The following TIMMDC1 variants were observed in gnomAD, a reference collection of about 807,000 sequenced individuals.
TIMMDC1 encodes the protein translocase of inner mitochondrial membrane domain containing 1.
In TIMMDC1, 25 loss-of-function variants were observed where a neutral mutation model predicts 32.6. The ratio of observed to expected loss-of-function variants is 0.77; its 90% CI spans 0.56 to 1.07. The LOEUF is 1.07. Among genes scored for constraint, TIMMDC1 ranks in the 50% least tolerant of loss-of-function variants. The pLI is 0.00. For missense variants in TIMMDC1, 329 were observed against 349.2 expected (o/e 0.94, Z 0.46); for synonymous variants, 130 against 127.6 (o/e 1.02, Z -0.13).
At chr3:119,512,222 T>C (rs922168892) in intron 4 of TIMMDC1, among the ~76,000 whole-genome samples, 2 of 152,158 alleles carry the variant, frequency 1.3e-5, no homozygotes, top group Admixed American at 6.5e-5. Flanking sequence ...TTTAATAATA[T>C]GTTCTGTGAA....
intron 4 of TIMMDC1, among the ~76,000 whole-genome samples, chr3:119,506,552 A>T (rs1320193663): frequency 6.6e-6 from 1 of 150,932 alleles, no homozygotes; most frequent in Non-Finnish European, 1.5e-5. Flanking sequence ...CCAAGGAATG[A>T]TATGGTTCTG....
In TIMMDC1 at chr3:119,498,583, C is replaced by G. The variant is rs145047502; in HGVS notation, c.-151C>G. On this transcript the variant is annotated 5_prime_UTR_variant, in exon 1 of 7. Transcript: ENST00000494664. Reference sequence around the variant, plus strand: ...AAGGACTCCAAAGCGAGGCCGGGGACTGAAGGTGTGGGTGTCGAGCCCTCT... The same window carrying G: ...AAGGACTCCAAAGCGAGGCCGGGGAGTGAAGGTGTGGGTGTCGAGCCCTCT... 5.8e-4 allele frequency: 409 copies of G among 704,882 alleles called. 5 individuals carry two copies. The East Asian group carries it at 0.011, about 18-fold the overall frequency. The allele number at this position is 704,882 out of a possible 1,614,324, so 43.7% of individuals were successfully genotyped here.
intron 5 of TIMMDC1, among the ~76,000 whole-genome samples, chr3:119,516,422 A>G (rs963009834): frequency 1.3e-5 from 2 of 152,174 alleles, no homozygotes; most frequent in African/African-American, 4.8e-5. Context: ...AACCTGTTGA[A>G]CGGATTGCCC....
At chr3:119,514,096 C>T (rs1198432977) in intron 5 of TIMMDC1, among the ~76,000 whole-genome samples, 1 of 151,716 alleles carries the variant, frequency 6.6e-6, no homozygotes, top group Non-Finnish European at 1.5e-5. Context: ...GAACAAAAAA[C>T]AGTTAACAAG....
At chr3:119,503,711 T>G (rs771255999) in intron 3 of TIMMDC1, 91 bp downstream of exon 3, 6 of 1,030,984 alleles carry the variant, frequency 5.8e-6, no homozygotes, top group Non-Finnish European at 7.0e-6. Context: ...GAAAACTGAA[T>G]ACCCACATGA....
At chr3:119,517,839 G>A (rs920598591) in intron 6 of TIMMDC1, among the ~76,000 whole-genome samples, 5 of 152,064 alleles carry the variant, frequency 3.3e-5, no homozygotes, top group Admixed American at 1.3e-4. Flanking sequence ...ATGGTGGCAC[G>A]TGCCTGTAGT....
intron 4 of TIMMDC1, among the ~76,000 whole-genome samples, chr3:119,505,189 C>T (rs900740490): frequency 6.6e-6 from 1 of 151,978 alleles, no homozygotes; most frequent in African/African-American, 2.4e-5. Context: ...TATATACATA[C>T]TGCAAAACAT....
intron 4 of TIMMDC1, among the ~76,000 whole-genome samples, chr3:119,506,897 C>G (rs2081922053): frequency 6.6e-6 from 1 of 152,196 alleles, no homozygotes; most frequent in Non-Finnish European, 1.5e-5. Flanking sequence ...CACTTTCCCA[C>G]TACCACAATT....
At chr3:119,520,876 G>T (rs1219749389) in intron 6 of TIMMDC1, among the ~76,000 whole-genome samples, 1 of 152,034 alleles carries the variant, frequency 6.6e-6, no homozygotes, top group Admixed American at 6.6e-5. Context: ...ACATCAAAAA[G>T]ATTATACATC....
chr3:119,523,273 G>A (rs180940728), intron 6 of TIMMDC1, among the ~76,000 whole-genome samples: 8 of 152,272 alleles, frequency 5.3e-5, no homozygotes, highest in Admixed American at 2.6e-4. Context: ...AGAGGACAGC[G>A]AGACTTCAAG....
chr3:119,498,935 T>G lies in TIMMDC1; in HGVS notation c.194+8T>G. On this transcript the variant is annotated splice_region_variant and intron_variant, in intron 1 of 6. Transcript: ENST00000494664. ...GGAGCTGTTTGGCAAAGAGTAAAAG[T>G]GCCTAGGGTGTGAAGTGGGGTAGGG... 4 of 1,613,584 alleles carry G rather than the reference T, an allele frequency of 2.5e-6. No homozygotes were observed. Among genetic ancestry groups the G allele is most frequent in the Non-Finnish European group, 3.4e-6 (4 of 1,179,624 alleles).
chr3:119,518,796 C>T (rs923724800), intron 6 of TIMMDC1, among the ~76,000 whole-genome samples: 1 of 152,142 alleles, frequency 6.6e-6, no homozygotes, highest in Non-Finnish European at 1.5e-5. Flanking sequence ...TACCTCCCCC[C>T]ATCAGTTTAA....
intron 2 of TIMMDC1, among the ~76,000 whole-genome samples, chr3:119,501,890 CAT>C (rs958666007): frequency 1.8e-4 from 28 of 152,104 alleles, no homozygotes; most frequent in Admixed American, 5.9e-4. Context: ...GATGGTTTCT[CAT>C]GACTGCATTC....
chr3:119,523,956 A>C lies in TIMMDC1; in HGVS notation c.*200A>C, dbSNP rs6641. ...TTGTACTCTCACTTTACTTATCCTT[A>C]AATTTAAATACATACTTATGTTTGT... is the stretch of plus-strand genomic sequence containing the variant. On this transcript the variant is annotated 3_prime_UTR_variant, in exon 7 of 7. Coordinates refer to ENST00000494664, the MANE Select transcript of TIMMDC1 (RefSeq NM_016589.4). 73,428 of 433,930 alleles carry C rather than the reference A, an allele frequency of 0.17. 6,916 individuals carry two copies. Among genetic ancestry groups the C allele is most frequent in the Admixed American group, 0.21 (5,384 of 25,712 alleles). 26.9% of individuals were successfully genotyped at this position (433,930 alleles called of 1,614,324 possible). A position where few individuals can be genotyped will look rare whatever the true frequency, so the allele number is the denominator to read the frequency against.
rs185930693 is a variant in TIMMDC1, at chr3:119,502,157, A to G, written c.360+1297A>G. Reference sequence around the variant, plus strand: ...TACTTAAATGCTATTATAAACTATAATATTTCTACTATCTAAAAACTATTC... The same window carrying G: ...TACTTAAATGCTATTATAAACTATAGTATTTCTACTATCTAAAAACTATTC... On this transcript the variant is annotated intron_variant, in intron 2 of 6. Coordinates refer to ENST00000494664, the MANE Select transcript of TIMMDC1 (RefSeq NM_016589.4). Among the ~76,000 whole-genome samples, 8 of 152,290 alleles carry G rather than the reference A, an allele frequency of 5.3e-5. No homozygotes were observed. In the South Asian group the frequency reaches 1.2e-3, roughly 24 times the overall value.
chr3:119,510,859 T>C (rs2081947929), intron 4 of TIMMDC1, among the ~76,000 whole-genome samples: 2 of 152,214 alleles, frequency 1.3e-5, no homozygotes. Flanking sequence ...TGTGTACATA[T>C]ACAAGTTGAC....
chr3:119,520,417 C>A (rs1037414664), intron 6 of TIMMDC1, among the ~76,000 whole-genome samples: 1 of 152,080 alleles, frequency 6.6e-6, no homozygotes, highest in African/African-American at 2.4e-5. Context: ...ACAACTGATA[C>A]CACGGACATA....
chr3:119,503,663 T>G, intron 3 of TIMMDC1, 43 bp downstream of exon 3: 2 of 1,495,790 alleles, frequency 1.3e-6, no homozygotes, highest in Non-Finnish European at 1.8e-6. Context: ...TTTCTTGATA[T>G]TGTTTTAGGA....
intron 2 of TIMMDC1, among the ~76,000 whole-genome samples, chr3:119,502,840 G>T (rs2081889400): frequency 6.6e-6 from 1 of 152,132 alleles, no homozygotes; most frequent in Non-Finnish European, 1.5e-5. Flanking sequence ...GATTACAGGT[G>T]TGAGCCACCA....
Sources: allele counts gnomAD v4.1 joint callset (sites outside exome capture counted in the v4.1 genomes callset), GRCh38; gene constraint gnomAD v4.1.1; transcripts MANE v1.5; gene names NCBI Gene and HGNC (gene_info 2026-07-23, HGNC 2026-07-21).